PSMC1: variants seen among roughly 807,000 people sequenced by gnomAD.
PSMC1 encodes 26S proteasome regulatory subunit 4.
In PSMC1, 5 loss-of-function variants were observed where a neutral mutation model predicts 49.8. The ratio of observed to expected loss-of-function variants is 0.10; its 90% CI spans 0.05 to 0.21. The LOEUF (loss-of-function observed/expected upper bound fraction) is 0.21, where lower values mean the gene tolerates loss of function less well. Among genes scored for constraint, PSMC1 ranks in the 10% least tolerant of loss-of-function variants. The probability of loss-of-function intolerance (pLI) is 1.00; values close to 1 mark genes in which losing one functional copy is unlikely to be tolerated. For missense variants in PSMC1, 181 were observed against 535.7 expected (o/e 0.34, Z 6.54); for synonymous variants, 155 against 192.1 (o/e 0.81, Z 1.60).
In PSMC1 at chr14:90,272,284, A is replaced by G. The variant is rs1891691250; in HGVS notation, c.1200A>G (p.Thr400=). ...CTTCTTTCTTACAGGCAATCTGTAC[A>G]GAAGCTGGTCTGATGGCCTTAAGAG... ...LSGADIKAIC[T]EAGLMALRER... is the part of the protein sequence containing the mutation. Residue 400 remains threonine (T), a synonymous_variant, in exon 11 of 11, where the codon ACA becomes ACG. Transcript: ENST00000261303. This position sits in a 1 kb window ranked among gnomAD's most constrained non-coding sequence, Gnocchi z 4.5. 6.2e-7 allele frequency: 1 copy of G among 1,603,680 alleles called. No homozygotes were observed. Among genetic ancestry groups the G allele is most frequent in the Non-Finnish European group, 8.5e-7 (1 of 1,178,148 alleles).
rs1029692209 is a variant in PSMC1, at chr14:90,273,208, G to A, written c.*801G>A. On this transcript the variant is annotated 3_prime_UTR_variant, in exon 11 of 11. Coordinates refer to ENST00000261303, the MANE Select transcript of PSMC1 (RefSeq NM_002802.3). ...GGTTGTAGGGCCCACACTGAATGAG[G>A]AGTGTGTATTAGTTTTCTGTTAATA... is the stretch of plus-strand genomic sequence containing the variant. 1.3e-5 allele frequency: 2 copies of A among 151,694 alleles called. No homozygotes were observed. The highest frequency in any genetic ancestry group is 2.9e-5 in the Non-Finnish European group (2 of 67,842). The allele number at this position is 151,694 out of a possible 1,614,324, so 9.4% of individuals were successfully genotyped here.
intron 1 of PSMC1, among the ~76,000 whole-genome samples, chr14:90,256,852 G>A (rs928204344): frequency 6.6e-6 from 1 of 152,232 alleles, no homozygotes; most frequent in African/African-American, 2.4e-5. Context: ...CTCCTGCGTG[G>A]TCTTGTGGGG....
Position 90,273,673 on chromosome 14 carries a change from GGC to G in PSMC1, c.*1268_*1269del, listed in dbSNP as rs1446833927. On this transcript the variant is annotated 3_prime_UTR_variant, in exon 11 of 11. Coordinates refer to ENST00000261303, the MANE Select transcript of PSMC1 (RefSeq NM_002802.3). ...TGCTGTTGGCAGGACCGTTCCCTCT[GGC>G]GTCTCTAAGGGAGAATCCGTTTCCT... 2 of 153,100 alleles carry G rather than the reference GGC, an allele frequency of 1.3e-5. No individual in the cohort carries two copies. The highest frequency in any genetic ancestry group is 6.5e-5 in the Admixed American group (1 of 15,288). The allele number at this position is 153,100 out of a possible 1,614,324, so 9.5% of individuals were successfully genotyped here.
rs762095267 is a variant in PSMC1 at position 90,263,299 on chromosome 14, CTTTATA to C, written c.155-14_155-9del. 242 of 1,581,008 alleles carry C rather than the reference CTTTATA, an allele frequency of 1.5e-4. No homozygotes were observed. Among genetic ancestry groups the C allele is most frequent in the Non-Finnish European group, 1.9e-4 (219 of 1,169,554 alleles). ...ACTTCAGGGTCCACATATAATGAAACTTTATATTTAAATTTCAGTGACACCTCACAC... is the reference window on the plus strand; with the variant it reads ...ACTTCAGGGTCCACATATAATGAAACTTTAAATTTCAGTGACACCTCACAC... On this transcript the variant is annotated splice_polypyrimidine_tract_variant and intron_variant, in intron 3 of 10. Coordinates refer to ENST00000261303, the MANE Select transcript of PSMC1 (RefSeq NM_002802.3).
intron 1 of PSMC1, among the ~76,000 whole-genome samples, chr14:90,258,955 C>T (rs896229329): frequency 2.0e-5 from 3 of 152,150 alleles, no homozygotes; most frequent in African/African-American, 4.8e-5. Flanking sequence ...AGTAATCTAT[C>T]GAACATCTTT....
chr14:90,270,458 T>A, intron 10 of PSMC1, 106 bp downstream of exon 10: 1 of 1,259,132 alleles, frequency 7.9e-7, no homozygotes, highest in Non-Finnish European at 1.1e-6. Flanking sequence ...GGTGGGTGTC[T>A]GTATTTTAAT....
intron 10 of PSMC1, chr14:90,270,858 G>C (rs1288587859): frequency 1.3e-5 from 2 of 152,298 alleles, no homozygotes; most frequent in Admixed American, 1.3e-4. Flanking sequence ...GTTGAATATG[G>C]GTTCTACCTG....
At chr14:90,264,020 A>T in intron 5 of PSMC1, 21 bp from the exon 6 acceptor site, 4 of 1,601,134 alleles carry the variant, frequency 2.5e-6, no homozygotes, top group Non-Finnish European at 3.4e-6. Context: ...TCCTGTGTTA[A>T]ACCTTGATGT....
At chr14:90,265,866 G>GA (rs80221482) in intron 7 of PSMC1, among the ~76,000 whole-genome samples, 38,074 of 147,416 alleles carry the variant, frequency 0.26, 5,353 homozygotes, top group Middle Eastern at 0.42. Flanking sequence ...CTGAAAAAAA[G>GA]AAAAAAAAAA....
At chr14:90,264,649 C>T (rs974557581) in intron 6 of PSMC1, among the ~76,000 whole-genome samples, 24 of 152,100 alleles carry the variant, frequency 1.6e-4, no homozygotes, top group African/African-American at 5.1e-4. Context: ...GAAGTCATTC[C>T]GAGCCATCAC....
At chr14:90,261,078 G>C (rs775899939) in intron 3 of PSMC1, among the ~76,000 whole-genome samples, 64 of 152,202 alleles carry the variant, frequency 4.2e-4, no homozygotes, top group Non-Finnish European at 8.2e-4. Context: ...TTCATACCAA[G>C]TGACCTGACC....
rs981186048 is a variant in PSMC1 at position 90,263,700 on chromosome 14, G to A, written c.318G>A (p.Pro106=). ...RSKVDDLRGT[P]MSVGTLEEII... ...AAGTGGATGATCTGAGGGGGACCCCGATGTCAGTAGGAACCTTGGAAGAGA... is the reference window on the plus strand; with the variant it reads ...AAGTGGATGATCTGAGGGGGACCCCAATGTCAGTAGGAACCTTGGAAGAGA... The change falls in exon 5 of 11, where the codon CCG becomes CCA. Residue 106 remains proline, a synonymous_variant. Coordinates refer to ENST00000261303, the MANE Select transcript of PSMC1 (RefSeq NM_002802.3). 3 of 1,613,452 alleles carry A rather than the reference G, an allele frequency of 1.9e-6. No homozygotes were observed. The highest frequency in any genetic ancestry group is 1.7e-6 in the Non-Finnish European group (2 of 1,179,652).
chr14:90,270,951 C>T (rs1891644908), intron 10 of PSMC1: 1 of 152,234 alleles, frequency 6.6e-6, no homozygotes, highest in Non-Finnish European at 1.5e-5. Context: ...CTTTCCAGGC[C>T]AGCACCTGCC....
At chr14:90,259,519 G>A (rs1006856905) in intron 2 of PSMC1, among the ~76,000 whole-genome samples, 5 of 152,214 alleles carry the variant, frequency 3.3e-5, no homozygotes, top group Admixed American at 6.5e-5. Context: ...ATTGTCTCAG[G>A]TTACCTAAAC....
At position 90,272,292 on chromosome 14, in the gene PSMC1, G is replaced by C; in HGVS notation, c.1208G>C (p.Gly403Ala). ...TTACAGGCAATCTGTACAGAAGCTGGTCTGATGGCCTTAAGAGAACGTAGA... is the reference window on the plus strand; with the variant it reads ...TTACAGGCAATCTGTACAGAAGCTGCTCTGATGGCCTTAAGAGAACGTAGA... ...ADIKAICTEA[G>A]LMALRERRMK... The change falls in exon 11 of 11, where the codon GGT becomes GCT. Residue 403 changes from glycine to alanine, a missense_variant. Gly to Ala is a moderately conservative substitution (Grantham distance 60). Transcript: ENST00000261303. The surrounding 1 kb of genome is among the most constrained non-coding windows in gnomAD (Gnocchi z 4.5). 1 of 1,604,004 alleles carries C rather than the reference G, an allele frequency of 6.2e-7. No individual in the cohort carries two copies. Among genetic ancestry groups the C allele is most frequent in the Non-Finnish European group, 8.5e-7 (1 of 1,178,184 alleles).
At position 90,273,087 on chromosome 14, in the gene PSMC1, C is replaced by CTATT. The variant is rs1891710884; in HGVS notation, c.*682_*685dup. 6.6e-6 allele frequency: 1 copy of CTATT among 152,202 alleles called. No homozygotes were observed. The highest frequency in any genetic ancestry group is 1.5e-5 in the Non-Finnish European group (1 of 68,054). 9.4% of individuals were successfully genotyped at this position (152,202 alleles called of 1,614,324 possible). A position where few individuals can be genotyped will look rare whatever the true frequency, so the allele number is the denominator to read the frequency against. On this transcript the variant is annotated 3_prime_UTR_variant, in exon 11 of 11. Transcript: ENST00000261303. ...AGAACTTCCCCTTCCCTTTCTCCGT[C>CTATT]TATTTCCGTCATTTCTCTTTCTGAA...
chr14:90,262,800 GAC>G (rs1237779044), intron 3 of PSMC1, among the ~76,000 whole-genome samples: 2 of 150,364 alleles, frequency 1.3e-5, no homozygotes, highest in Non-Finnish European at 3.0e-5. Flanking sequence ...AAAAAAAAAA[GAC>G]ACAATTCTTA....
In PSMC1 at chr14:90,272,509, T is replaced by C. The variant is rs928684387; in HGVS notation, c.*102T>C. The stretch of plus-strand genomic sequence containing the variant: ...CAGAGGAATCCCTGTTCCCACTGAT[T>C]TTTATTAGCAAAACATCCTGTGTCT... On this transcript the variant is annotated 3_prime_UTR_variant, in exon 11 of 11. Transcript: ENST00000261303. This position sits in a 1 kb window ranked among gnomAD's most constrained non-coding sequence, Gnocchi z 4.5. The C allele has an allele frequency of 1.3e-6, 1 of 745,612 alleles. No homozygotes were observed. The highest frequency in any genetic ancestry group is 2.2e-6 in the Non-Finnish European group (1 of 464,254). 46.2% of individuals were successfully genotyped at this position (745,612 alleles called of 1,614,324 possible). A position where few individuals can be genotyped will look rare whatever the true frequency, so the allele number is the denominator to read the frequency against.
At chr14:90,260,949 G>A (rs746291909) in intron 3 of PSMC1, among the ~76,000 whole-genome samples, 29 of 152,196 alleles carry the variant, frequency 1.9e-4, no homozygotes, top group Non-Finnish European at 1.9e-4. Flanking sequence ...TTGAACTTTA[G>A]TAACTAAGAA....
Sources: gnomAD v4.1 joint callset for allele counts (sites outside exome capture counted in the v4.1 genomes callset) on GRCh38, gnomAD v4.1.1 for gene constraint, Gnocchi (gnomAD v3.1) non-coding constraint, MANE v1.5 for transcripts, NCBI Gene and HGNC (gene_info 2026-07-23, HGNC 2026-07-21) for gene names.